Variants in ROR2 observed in about 807,000 individuals in gnomAD.
ROR2 encodes the protein ROR family WNT receptor 2, also known as tyrosine-protein kinase transmembrane receptor ROR2.
Under a neutral mutation model 74.9 loss-of-function variants are expected in ROR2, and 33 were observed. That is an observed-to-expected ratio of 0.44 (90% CI 0.33 to 0.59). The LOEUF (loss-of-function observed/expected upper bound fraction) is 0.59. ROR2 is among the 20% of genes least tolerant of loss of function. The pLI is 0.02. For missense variants in ROR2, 1,216 were observed against 1,313.8 expected (o/e 0.93, Z 1.15); for synonymous variants, 586 against 558.7 (o/e 1.05, Z -0.69).
intron 1 of ROR2, among the ~76,000 whole-genome samples, chr9:91,829,334 G>A (rs147369664): frequency 6.6e-6 from 1 of 152,086 alleles, no homozygotes; most frequent in Non-Finnish European, 1.5e-5. Context: ...CCTGAGCTCA[G>A]GAGTTCGAGA....
chr9:91,733,403 A>G lies in ROR2; in HGVS notation c.656T>C (p.Leu219Pro). Residue 219 changes from leucine to proline, a missense_variant, in exon 6 of 9, where the codon CTG becomes CCG. Physicochemically the swap from Leu to Pro is moderately conservative, Grantham distance 98. Transcript: ENST00000375708. This position sits in a 1 kb window ranked among gnomAD's most constrained non-coding sequence, Gnocchi z 5.7. ...GGCGAACTGTGAGCACTGGTCCGACAGGTGCGTAGACGTGCCGATCATGGT... is the reference window on the plus strand; with the variant it reads ...GGCGAACTGTGAGCACTGGTCCGACGGGTGCGTAGACGTGCCGATCATGGT... ...AFTMIGTSTH[L>P]SDQCSQFAIP... 6.2e-7 allele frequency: 1 copy of G among 1,611,760 alleles called. No homozygotes were observed. Among genetic ancestry groups the G allele is most frequent in the Non-Finnish European group, 8.5e-7 (1 of 1,179,762 alleles).
chr9:91,884,549 G>C (rs988567598), intron 1 of ROR2, among the ~76,000 whole-genome samples: 1 of 151,156 alleles, frequency 6.6e-6, no homozygotes, highest in Non-Finnish European at 1.5e-5. Context: ...CCAATCCCCA[G>C]GCCTGGTTTT....
intron 1 of ROR2, among the ~76,000 whole-genome samples, chr9:91,891,191 A>C (rs1009663718): frequency 6.6e-6 from 1 of 152,064 alleles, no homozygotes; most frequent in African/African-American, 2.4e-5. Context: ...TAAGAAGAGC[A>C]TGGCTGGGTT....
rs142107951 is a variant in ROR2 at position 91,770,535 on chromosome 9, C to T, written c.175+5206G>A. Among the ~76,000 whole-genome samples the T allele has an allele frequency of 2.7e-3, 407 of 152,316 alleles. 1 individual carries two copies. Among genetic ancestry groups the T allele is most frequent in the African/African-American group, 9.2e-3 (383 of 41,570 alleles). ...AACGTTATTGCCTCCTGGAACCAGG[C>T]GTGCACCCAGCAGCTGACACACAAC... On this transcript the variant is annotated intron_variant, in intron 2 of 8. Transcript: ENST00000375708.
At position 91,756,063 on chromosome 9, in the gene ROR2, A is replaced by G. The variant is rs1176645669; in HGVS notation, c.494+8T>C. 2 of 1,613,928 alleles carry G rather than the reference A, an allele frequency of 1.2e-6. No individual in the cohort carries two copies. The highest frequency in any genetic ancestry group is 1.7e-5 in the Admixed American group (1 of 60,032). On this transcript the variant is annotated splice_region_variant and intron_variant, in intron 4 of 8. Transcript: ENST00000375708. ...GCAGAACACGGCTTGGGGAAAACAG[A>G]TACTTACTGAAAGTTATGATTTGGG... is the stretch of plus-strand genomic sequence containing the variant.
intron 1 of ROR2, among the ~76,000 whole-genome samples, chr9:91,913,705 T>A (rs533330121): frequency 1.3e-4 from 20 of 152,186 alleles, no homozygotes; most frequent in Non-Finnish European, 2.5e-4. Flanking sequence ...CTTTCACCAA[T>A]CTTGACAGTT....
chr9:91,850,209 T>A (rs1829048300), intron 1 of ROR2, among the ~76,000 whole-genome samples: 1 of 152,092 alleles, frequency 6.6e-6, no homozygotes, highest in Non-Finnish European at 1.5e-5. Flanking sequence ...CATTTCCCCA[T>A]ACCCTCACCT....
chr9:91,904,731 T>G (rs1830767830), intron 1 of ROR2, among the ~76,000 whole-genome samples: 1 of 152,194 alleles, frequency 6.6e-6, no homozygotes, highest in African/African-American at 2.4e-5. Context: ...TACGCTCCAC[T>G]GCTGGCTTTG....
rs568292411 is a variant in ROR2 at position 91,913,683 on chromosome 9, G to A, written c.97+36184C>T. Among the ~76,000 whole-genome samples the A allele has an allele frequency of 2.6e-5, 4 of 152,200 alleles. No homozygotes were observed. The South Asian group carries it at 6.2e-4, about 24-fold the overall frequency. ...TACTCCCCAAATCCTCCTCTGTTCCGGCCAGTCTGTACTTTCACCAATCTT... is the reference window on the plus strand; with the variant it reads ...TACTCCCCAAATCCTCCTCTGTTCCAGCCAGTCTGTACTTTCACCAATCTT... On this transcript the variant is annotated intron_variant, in intron 1 of 8. Coordinates refer to ENST00000375708, the MANE Select transcript of ROR2 (RefSeq NM_004560.4).
intron 2 of ROR2, among the ~76,000 whole-genome samples, chr9:91,769,005 A>G (rs540023990): frequency 3.3e-5 from 5 of 152,268 alleles, no homozygotes; most frequent in African/African-American, 9.6e-5. Context: ...GTTTTGTCCA[A>G]TGGATGTTAG....
At chr9:91,869,715 C>T (rs1471463225) in intron 1 of ROR2, among the ~76,000 whole-genome samples, 2 of 152,168 alleles carry the variant, frequency 1.3e-5, no homozygotes, top group Admixed American at 1.3e-4. Context: ...GCTGCAATTG[C>T]TCCATATCCC....
chr9:91,746,560 G>A (rs368721676), intron 4 of ROR2, among the ~76,000 whole-genome samples: 1 of 152,180 alleles, frequency 6.6e-6, no homozygotes, highest in African/African-American at 2.4e-5. Flanking sequence ...CACACTTGGC[G>A]AGCGGTGCCT....
At chr9:91,903,637 G>T (rs1039017053) in intron 1 of ROR2, among the ~76,000 whole-genome samples, 2 of 152,134 alleles carry the variant, frequency 1.3e-5, no homozygotes, top group African/African-American at 4.8e-5. Flanking sequence ...CCCTAAGTCA[G>T]CAAATGGGAA....
chr9:91,872,137 A>T (rs1829815766), intron 1 of ROR2, among the ~76,000 whole-genome samples: 1 of 152,190 alleles, frequency 6.6e-6, no homozygotes, highest in African/African-American at 2.4e-5. Flanking sequence ...TAATTATAAT[A>T]AAAAAATTTA....
intron 1 of ROR2, among the ~76,000 whole-genome samples, chr9:91,788,072 A>G (rs112229811): frequency 9.2e-5 from 14 of 152,390 alleles, no homozygotes; most frequent in African/African-American, 2.9e-4. Flanking sequence ...TGAAAGTGCC[A>G]TAAGTGAAAT....
chr9:91,948,891 G>A, intron 1 of ROR2: 2 of 985,406 alleles, frequency 2.0e-6, no homozygotes, highest in South Asian at 4.7e-5. Flanking sequence ...AGGCGCGCGG[G>A]CGGGAGGTGC....
chr9:91,824,131 T>G (rs1202486349), intron 1 of ROR2, among the ~76,000 whole-genome samples: 1 of 152,206 alleles, frequency 6.6e-6, no homozygotes, highest in Non-Finnish European at 1.5e-5. Flanking sequence ...TACTTCACAG[T>G]TCCCAGGTAA....
chr9:91,846,261 C>T (rs891442032), intron 1 of ROR2, among the ~76,000 whole-genome samples: 16 of 152,190 alleles, frequency 1.1e-4, no homozygotes, highest in African/African-American at 3.6e-4. Flanking sequence ...CTCAGTAAGA[C>T]GGTGTTTGGA....
rs1369266908 is a variant in ROR2, at chr9:91,937,157, A to T, written c.97+12710T>A. 3.3e-5 allele frequency among the ~76,000 whole-genome samples: 5 copies of T among 152,128 alleles called. No homozygotes were observed. In the East Asian group the frequency reaches 9.7e-4, roughly 29 times the overall value. On this transcript the variant is annotated intron_variant, in intron 1 of 8. Coordinates refer to ENST00000375708, the MANE Select transcript of ROR2 (RefSeq NM_004560.4). Reference sequence around the variant, plus strand: ...CAAGAGCTCACAGTGCAAACTCGGGATTATAGAATTAAACAGAGACGGCTG... The same window carrying T: ...CAAGAGCTCACAGTGCAAACTCGGGTTTATAGAATTAAACAGAGACGGCTG...
Sources: allele counts gnomAD v4.1 joint callset (sites outside exome capture counted in the v4.1 genomes callset), GRCh38; gene constraint gnomAD v4.1.1; non-coding constraint Gnocchi (gnomAD v3.1); transcripts MANE v1.5; gene names NCBI Gene and HGNC (gene_info 2026-07-23, HGNC 2026-07-21).